Variants in ANK3 observed in about 807,000 individuals in gnomAD.
ANK3 encodes ankyrin 3.
A neutral mutation model predicts 370.9 loss-of-function variants in ANK3; 57 were observed. The observed-to-expected ratio is 0.15, with a 90% CI of 0.12 to 0.19. ANK3 has a LOEUF of 0.19. ANK3 is among the 10% of genes least tolerant of loss of function. The probability of loss-of-function intolerance (pLI) is 1.00; values close to 1 mark genes in which losing one functional copy is unlikely to be tolerated. For synonymous variants in ANK3, 1,929 were observed against 1,946.3 expected (o/e 0.99, Z 0.23); for missense variants, 4,439 against 5,302.1 (o/e 0.84, Z 5.06).
At chr10:60,650,847 G>A (rs754572769) in intron 1 of ANK3, among the ~76,000 whole-genome samples, 3 of 152,154 alleles carry the variant, frequency 2.0e-5, no homozygotes, top group Non-Finnish European at 2.9e-5. Context: ...ACTTTGGAAG[G>A]CCAGGGCAAA....
chr10:60,579,260 G>A (rs2077718934), intron 2 of ANK3, among the ~76,000 whole-genome samples: 1 of 149,898 alleles, frequency 6.7e-6, no homozygotes, highest in African/African-American at 2.5e-5. Flanking sequence ...GGGAGGCGGA[G>A]GTTGCAGTGA....
chr10:60,542,800 T>C (rs6479716), intron 2 of ANK3, among the ~76,000 whole-genome samples: 103,431 of 151,758 alleles, frequency 0.68, 35,599 homozygotes, highest in South Asian at 0.87. Context: ...TAATTCAAGC[T>C]GTTGAGAGCC....
At chr10:60,531,180 C>A (rs1429199120) in intron 2 of ANK3, among the ~76,000 whole-genome samples, 1 of 151,810 alleles carries the variant, frequency 6.6e-6, no homozygotes, top group Non-Finnish European at 1.5e-5. Context: ...CTCAATTATG[C>A]CCAAAAATAG....
chr10:60,253,526 A>C (rs1349628612), intron 7 of ANK3, among the ~76,000 whole-genome samples: 1 of 152,252 alleles, frequency 6.6e-6, no homozygotes, highest in Non-Finnish European at 1.5e-5. Flanking sequence ...TGTGGCATTC[A>C]GGAAAAGGCA....
At chr10:60,662,784 T>A (rs1176562478) in intron 1 of ANK3, among the ~76,000 whole-genome samples, 1 of 152,162 alleles carries the variant, frequency 6.6e-6, no homozygotes. Flanking sequence ...AGGTCTAGCA[T>A]GTCGTTGGTG....
intron 25 of ANK3, among the ~76,000 whole-genome samples, chr10:60,131,986 C>T (rs954021878): frequency 7.9e-5 from 12 of 152,136 alleles, no homozygotes; most frequent in Non-Finnish European, 1.5e-4. Context: ...TGTGATTTTA[C>T]GTTTTGTGGG....
intron 1 of ANK3, among the ~76,000 whole-genome samples, chr10:60,327,702 C>A (rs372702376): frequency 2.2e-4 from 33 of 152,264 alleles, no homozygotes; most frequent in African/African-American, 7.7e-4. Context: ...ATCTTTTTAG[C>A]ATCATAGGAT....
At chr10:60,270,259 G>T in intron 4 of ANK3, 30 bp from the exon 5 acceptor site, 1 of 1,497,554 alleles carries the variant, frequency 6.7e-7, no homozygotes, top group Non-Finnish European at 9.1e-7. Flanking sequence ...ATGTTTGTCT[G>T]CAGCTTTCCA....
At chr10:60,250,232 T>A (rs201534656) in intron 7 of ANK3, among the ~76,000 whole-genome samples, 3 of 80,396 alleles carry the variant, frequency 3.7e-5, no homozygotes, top group Non-Finnish European at 5.7e-5. Context: ...GAGGAACTTG[T>A]TAAAAACACA....
intron 28 of ANK3, among the ~76,000 whole-genome samples, chr10:60,097,288 C>G (rs2090331266): frequency 6.6e-6 from 1 of 152,208 alleles, no homozygotes. Flanking sequence ...CACTCTTTAA[C>G]AGTGTCTTTG....
At chr10:60,291,251 C>T (rs937370568) in intron 1 of ANK3, among the ~76,000 whole-genome samples, 5 of 152,018 alleles carry the variant, frequency 3.3e-5, no homozygotes, top group African/African-American at 1.2e-4. Context: ...TCTTAAAAAG[C>T]CAGTTTCACT....
chr10:60,189,074 A>T (rs907845710), intron 16 of ANK3, among the ~76,000 whole-genome samples: 1 of 152,232 alleles, frequency 6.6e-6, no homozygotes, highest in African/African-American at 2.4e-5. Flanking sequence ...TTTGCTATTG[A>T]TATAATATTC....
intron 12 of ANK3, among the ~76,000 whole-genome samples, chr10:60,201,534 A>G (rs979163996): frequency 6.6e-6 from 1 of 152,168 alleles, no homozygotes; most frequent in Non-Finnish European, 1.5e-5. Context: ...CATGGGTGGT[A>G]AGTTACCACT....
Position 60,213,493 on chromosome 10 carries a change from C to G in ANK3, c.915G>C (p.Leu305=). The G allele has an allele frequency of 6.2e-7, 1 of 1,608,326 alleles. No homozygotes were observed. Among genetic ancestry groups the G allele is most frequent in the Non-Finnish European group, 8.5e-7 (1 of 1,176,522 alleles). ...DAKTRDGLTP[L]HCGARSGHEQ... Reference sequence around the variant, plus strand: ...CGTGGCCACTCCTTGCTCCACAGTGCAGTGGTGTCAGACCATCCTGTTGAA... The same window carrying G: ...CGTGGCCACTCCTTGCTCCACAGTGGAGTGGTGTCAGACCATCCTGTTGAA... The change falls in exon 9 of 44, where the codon CTG becomes CTC. Residue 305 remains leucine, a synonymous_variant. Transcript: ENST00000280772.
At chr10:60,100,234 G>GTTTTTTGTTTTTTTT (rs2090967484) in intron 28 of ANK3, among the ~76,000 whole-genome samples, 1 of 57,898 alleles carries the variant, frequency 1.7e-5, no homozygotes, top group Non-Finnish European at 2.8e-5. Context: ...TTTTGCTATG[G>GTTTTTTGTTTTTTTT]TTTTTTTTTT....
At chr10:60,172,478 G>A (rs2095818511) in intron 20 of ANK3, 75 bp from the exon 21 acceptor site, 2 of 1,193,510 alleles carry the variant, frequency 1.7e-6, no homozygotes, top group Non-Finnish European at 1.2e-6. Context: ...AAAATGTAAG[G>A]TGAGTGTCTC....
At chr10:60,081,430 T>G (rs2085213942) in intron 35 of ANK3, 2 of 384,086 alleles carry the variant, frequency 5.2e-6, no homozygotes, top group South Asian at 4.0e-5. Context: ...GGCTACTTGA[T>G]TCTATTTATT....
chr10:60,036,195 C>T (rs1224638232), intron 43 of ANK3, among the ~76,000 whole-genome samples: 2 of 152,070 alleles, frequency 1.3e-5, no homozygotes, highest in African/African-American at 2.4e-5. Flanking sequence ...AAGTGTAAAC[C>T]ACCATCACAT....
intron 2 of ANK3, among the ~76,000 whole-genome samples, chr10:60,422,530 T>A (rs937952929): frequency 3.9e-5 from 6 of 152,132 alleles, no homozygotes; most frequent in African/African-American, 1.4e-4. Flanking sequence ...ATAAAGTTCT[T>A]ATCTTTTGGA....
Sources: gnomAD v4.1 joint callset for allele counts (sites outside exome capture counted in the v4.1 genomes callset) on GRCh38, gnomAD v4.1.1 for gene constraint, MANE v1.5 for transcripts, NCBI Gene and HGNC (gene_info 2026-07-23, HGNC 2026-07-21) for gene names.